RPA1: variants seen among roughly 807,000 people sequenced by gnomAD.
The protein encoded by RPA1 is replication protein A 70 kDa DNA-binding subunit.
A neutral mutation model predicts 83.0 loss-of-function variants in RPA1; 49 were observed. The ratio of observed to expected loss-of-function variants is 0.59; its 90% CI spans 0.47 to 0.75. RPA1 has a LOEUF of 0.75. Ranked by LOEUF, RPA1 falls within the 30% of genes least tolerant of loss-of-function variation. The probability of loss-of-function intolerance (pLI) is 0.00; values close to 1 mark genes in which losing one functional copy is unlikely to be tolerated. For missense variants in RPA1, 693 were observed against 776.1 expected, an observed-to-expected ratio of 0.89 and a Z score of 1.27; for synonymous variants, 279 against 281.8, an observed-to-expected ratio of 0.99 and a Z score of 0.10.
intron 5 of RPA1, among the ~76,000 whole-genome samples, chr17:1,853,805 C>G (rs1359444954): frequency 6.6e-6 from 1 of 152,164 alleles, no homozygotes; most frequent in Non-Finnish European, 1.5e-5. Flanking sequence ...ACGTGTTTTC[C>G]TAAGACTTAT....
chr17:1,845,196 A>ATGTG (rs34437276), intron 4 of RPA1, among the ~76,000 whole-genome samples: 1 of 137,712 alleles, frequency 7.3e-6, no homozygotes, highest in Non-Finnish European at 1.5e-5. Flanking sequence ...GTGTGTGTGT[A>ATGTG]CAATCTTGAA....
Position 1,891,892 on chromosome 17 carries a change from A to G in RPA1, c.1611A>G (p.Glu537=). Residue 537 remains glutamate, a synonymous_variant, in exon 15 of 17, where the codon GAA becomes GAG. Coordinates refer to ENST00000254719, the MANE Select transcript of RPA1 (RefSeq NM_002945.5). ...QWVTCFQESA[E]AILGQNAAYL... ...TGACTTGTTTCCAGGAGTCTGCTGA[A>G]GCTATCCTTGGACAAAATGCTGCTT... The G allele has an allele frequency of 6.2e-7, 1 of 1,609,490 alleles. No homozygotes were observed. The highest frequency in any genetic ancestry group is 8.5e-7 in the Non-Finnish European group (1 of 1,176,306).
chr17:1,869,176 C>A (rs1289468015), intron 5 of RPA1, among the ~76,000 whole-genome samples: 1 of 152,164 alleles, frequency 6.6e-6, no homozygotes, highest in African/African-American at 2.4e-5. Context: ...GCTCACTTAA[C>A]CATTATAATG....
At chr17:1,853,058 G>T (rs754402348) in intron 4 of RPA1, 43 bp from the exon 5 acceptor site, 2 of 1,497,234 alleles carry the variant, frequency 1.3e-6, no homozygotes, top group Non-Finnish European at 9.3e-7. Flanking sequence ...CATTTGAACA[G>T]AATTTGTTTT....
chr17:1,834,540 G>T (rs1205870223), intron 1 of RPA1, among the ~76,000 whole-genome samples: 1 of 152,178 alleles, frequency 6.6e-6, no homozygotes, highest in Non-Finnish European at 1.5e-5. Context: ...GCCACAAAGG[G>T]TACGCAAATA....
At chr17:1,858,549 C>T (rs1225217355) in intron 5 of RPA1, 5 of 687,802 alleles carry the variant, frequency 7.3e-6, no homozygotes, top group Admixed American at 2.3e-5. Context: ...CTGCAGCCTC[C>T]GCCTCCCGGG....
chr17:1,888,209 A>G (rs994393730), intron 13 of RPA1, among the ~76,000 whole-genome samples: 2 of 152,186 alleles, frequency 1.3e-5, no homozygotes, highest in African/African-American at 4.8e-5. Flanking sequence ...AGGTGAATCT[A>G]GGCCTAGACA....
intron 1 of RPA1, among the ~76,000 whole-genome samples, chr17:1,833,453 A>C (rs1456194879): frequency 6.6e-6 from 1 of 152,226 alleles, no homozygotes; most frequent in Non-Finnish European, 1.5e-5. Context: ...ACTCAAGTGA[A>C]TATTTAAATA....
chr17:1,874,032 T>TATATATATATATACACACAC (rs1171343408), intron 6 of RPA1, among the ~76,000 whole-genome samples: 2 of 79,274 alleles, frequency 2.5e-5, no homozygotes, highest in African/African-American at 1.3e-4. Flanking sequence ...TATATATATA[T>TATATATATATATACACACAC]ACACACACAC....
chr17:1,892,772 C>T (rs933134035), intron 15 of RPA1, among the ~76,000 whole-genome samples: 13 of 152,174 alleles, frequency 8.5e-5, no homozygotes, highest in Non-Finnish European at 2.9e-5. Context: ...GACTTTCTTC[C>T]GTAAGGTAAC....
intron 1 of RPA1, among the ~76,000 whole-genome samples, chr17:1,839,082 T>G (rs1255779598): frequency 6.6e-6 from 1 of 152,150 alleles, no homozygotes; most frequent in Non-Finnish European, 1.5e-5. Context: ...CCCAATCTCC[T>G]GACCTCGTCG....
chr17:1,845,963 C>T (rs969053557), intron 4 of RPA1, among the ~76,000 whole-genome samples: 2 of 151,998 alleles, frequency 1.3e-5, no homozygotes, highest in African/African-American at 2.4e-5. Context: ...CAACAAAAAC[C>T]GAGATAAAAA....
At chr17:1,851,085 A>G (rs931491900) in intron 4 of RPA1, among the ~76,000 whole-genome samples, 5 of 152,088 alleles carry the variant, frequency 3.3e-5, no homozygotes, top group African/African-American at 9.7e-5. Flanking sequence ...CCATCCTTTC[A>G]ACGTCCACTA....
At chr17:1,878,946 G>T in intron 8 of RPA1, 47 bp from the exon 9 acceptor site, 1 of 1,594,546 alleles carries the variant, frequency 6.3e-7, no homozygotes, top group East Asian at 2.2e-5. Context: ...TGCTGGGGTG[G>T]CCTGTGTTCA....
At chr17:1,874,009 AAAAATATAT>A (rs1184810208) in intron 6 of RPA1, among the ~76,000 whole-genome samples, 9 of 100,260 alleles carry the variant, frequency 9.0e-5, no homozygotes, top group African/African-American at 4.3e-4. Flanking sequence ...AAAAAAAAAA[AAAAATATAT>A]ATATATATAT....
In RPA1 at chr17:1,888,748, C is replaced by A. The variant is rs765237444; in HGVS notation, c.1448C>A (p.Thr483Asn). 1 of 1,614,120 alleles carries A rather than the reference C, an allele frequency of 6.2e-7. No homozygotes were observed. Among genetic ancestry groups the A allele is most frequent in the Admixed American group, 1.7e-5 (1 of 60,010 alleles). The change falls in exon 14 of 17, where the codon ACT becomes AAT. Residue 483 changes from threonine (T) to asparagine (N), a missense_variant. Physicochemically the swap from Thr to Asn is moderately conservative, Grantham distance 65. Transcript: ENST00000254719. Reference sequence around the variant, plus strand: ...AACTGCATGTACCAAGCCTGCCCGACTCAGGACTGCAATAAGAAAGTGATT... The same window carrying A: ...AACTGCATGTACCAAGCCTGCCCGAATCAGGACTGCAATAAGAAAGTGATT... Reference protein sequence around the residue: ...KENCMYQACPTQDCNKKVIDQ... With the variant: ...KENCMYQACPNQDCNKKVIDQ...
intron 5 of RPA1, among the ~76,000 whole-genome samples, chr17:1,861,891 A>G (rs1424912134): frequency 6.8e-6 from 1 of 147,592 alleles, no homozygotes; most frequent in African/African-American, 2.5e-5. Flanking sequence ...CACCCTGCTA[A>G]TTTTTGTTTT....
intron 5 of RPA1, among the ~76,000 whole-genome samples, chr17:1,855,859 G>A (rs1912673026): frequency 6.6e-6 from 1 of 151,654 alleles, no homozygotes; most frequent in African/African-American, 2.4e-5. Flanking sequence ...TGTAAGTTCA[G>A]TTTCTTTAAT....
At chr17:1,836,411 A>G (rs1039996621) in intron 1 of RPA1, among the ~76,000 whole-genome samples, 1 of 152,052 alleles carries the variant, frequency 6.6e-6, no homozygotes, top group Non-Finnish European at 1.5e-5. Context: ...TGCCCGGCCA[A>G]ATTGCACGTA....
Sources: gnomAD v4.1 joint callset for allele counts (sites outside exome capture counted in the v4.1 genomes callset) on GRCh38, gnomAD v4.1.1 for gene constraint, MANE v1.5 for transcripts, NCBI Gene and HGNC (gene_info 2026-07-23, HGNC 2026-07-21) for gene names.